Variants in TYW1 observed in about 807,000 individuals in gnomAD.
TYW1 encodes the protein tRNA-yW synthesizing protein 1 homolog.
A neutral mutation model predicts 96.2 loss-of-function variants in TYW1; 46 were observed. The ratio of observed to expected loss-of-function variants is 0.48; its 90% CI spans 0.38 to 0.61. TYW1 has a LOEUF of 0.61. Ranked by LOEUF, TYW1 falls within the 20% of genes least tolerant of loss-of-function variation. The probability of loss-of-function intolerance (pLI) is 0.00; values close to 1 mark genes in which losing one functional copy is unlikely to be tolerated. For synonymous variants in TYW1, 274 were observed against 323.0 expected (o/e 0.85, Z 1.63); for missense variants, 684 against 909.6 (o/e 0.75, Z 3.19).
In TYW1 at chr7:67,109,273, CAAA is replaced by C. The variant is rs1203625487; in HGVS notation, c.1563-8190_1563-8188del. 1.0e-4 allele frequency among the ~76,000 whole-genome samples: 5 copies of C among 49,090 alleles called. No individual in the cohort carries two copies. In the East Asian group the frequency reaches 2.4e-3, roughly 23 times the overall value. The allele number at this position is 49,090 out of a possible 152,430, so 32.2% of individuals were successfully genotyped here. ...TCAGCAAAAGAGCGAGACTCCGTCT[CAAA>C]AAAAAAAAAAAAAAAAAAAGAAAGA... On this transcript the variant is annotated intron_variant, in intron 12 of 15. Transcript: ENST00000359626.
At chr7:67,090,889 G>C (rs1289118762) in intron 11 of TYW1, among the ~76,000 whole-genome samples, 2 of 152,176 alleles carry the variant, frequency 1.3e-5, no homozygotes, top group African/African-American at 4.8e-5. Flanking sequence ...AGTTGGAATG[G>C]TGATCATTAA....
intron 3 of TYW1, among the ~76,000 whole-genome samples, chr7:67,008,350 C>G (rs950419438): frequency 6.6e-6 from 1 of 152,198 alleles, no homozygotes; most frequent in African/African-American, 2.4e-5. Flanking sequence ...GGTGATTAAA[C>G]TCAATCTCCA....
rs1800493636 is a variant in TYW1, at chr7:67,198,858, C to T, written c.1977+3521C>T. Among the ~76,000 whole-genome samples, 4 of 152,078 alleles carry T rather than the reference C, an allele frequency of 2.6e-5. No individual in the cohort carries two copies. The South Asian group carries it at 8.3e-4, about 32-fold the overall frequency. ...TCTTCCTTTGTCTTTTATGATGTTG[C>T]TATTTTAAAAGAATACAGTTCCCCC... On this transcript the variant is annotated intron_variant, in intron 15 of 15. Coordinates refer to ENST00000359626, the MANE Select transcript of TYW1 (RefSeq NM_018264.4).
At chr7:67,155,270 A>G (rs1051640529) in intron 13 of TYW1, among the ~76,000 whole-genome samples, 15 of 152,178 alleles carry the variant, frequency 9.9e-5, no homozygotes, top group African/African-American at 3.6e-4. Context: ...GAAGGTGTTT[A>G]GGTCATGGAG....
At chr7:67,088,355 G>GAA (rs36069960) in intron 11 of TYW1, among the ~76,000 whole-genome samples, 4,208 of 147,746 alleles carry the variant, frequency 0.028, 32 homozygotes, top group South Asian at 0.1. Flanking sequence ...TAATAGAAAA[G>GAA]AAAAAAAAAA....
chr7:67,213,552 C>A (rs1484889798), intron 15 of TYW1, among the ~76,000 whole-genome samples: 2 of 152,196 alleles, frequency 1.3e-5, no homozygotes, highest in Non-Finnish European at 2.9e-5. Flanking sequence ...GTCCAACTGA[C>A]TAATTTTTTG....
At chr7:67,103,962 A>G (rs567831365) in intron 12 of TYW1, among the ~76,000 whole-genome samples, 1 of 152,206 alleles carries the variant, frequency 6.6e-6, no homozygotes, top group South Asian at 2.1e-4. Context: ...CCTTACACAC[A>G]CACTAGGAAG....
chr7:67,191,398 T>C (rs1800211954), intron 14 of TYW1, among the ~76,000 whole-genome samples: 1 of 152,072 alleles, frequency 6.6e-6, no homozygotes, highest in Admixed American at 6.5e-5. Flanking sequence ...TCACAAACAT[T>C]CTTGGGGTCT....
At chr7:67,157,712 T>C (rs1799028628) in intron 13 of TYW1, among the ~76,000 whole-genome samples, 1 of 152,240 alleles carries the variant, frequency 6.6e-6, no homozygotes, top group South Asian at 2.1e-4. Flanking sequence ...TGGACTTACT[T>C]CCTTAGGCTT....
At chr7:67,148,445 T>TTTGG (rs1798677867) in intron 13 of TYW1, among the ~76,000 whole-genome samples, 1 of 147,904 alleles carries the variant, frequency 6.8e-6, no homozygotes, top group Non-Finnish European at 1.5e-5. Context: ...TTTTTTTTTT[T>TTTGG]GAGATGGAGT....
At chr7:67,083,864 G>A (rs1382164688) in intron 11 of TYW1, among the ~76,000 whole-genome samples, 8 of 152,004 alleles carry the variant, frequency 5.3e-5, no homozygotes, top group Non-Finnish European at 1.2e-4. Flanking sequence ...GTGAAACCCC[G>A]TCTCTACTAA....
In TYW1 at chr7:67,207,336, C is replaced by T. The variant is rs1320181726; in HGVS notation, c.1977+11999C>T. ...CCCTTCTGGAATCAGAAACTTTGTT[C>T]CATCTTCTTTGCTAGTTTTGGTACC... is the stretch of plus-strand genomic sequence containing the variant. On this transcript the variant is annotated intron_variant, in intron 15 of 15. Coordinates refer to ENST00000359626, the MANE Select transcript of TYW1 (RefSeq NM_018264.4). Among the ~76,000 whole-genome samples, 4 of 152,172 alleles carry T rather than the reference C, an allele frequency of 2.6e-5. No individual in the cohort carries two copies. In the East Asian group the frequency reaches 7.7e-4, roughly 29 times the overall value.
At chr7:67,010,607 G>C (rs948357131) in intron 4 of TYW1, among the ~76,000 whole-genome samples, 26 of 151,854 alleles carry the variant, frequency 1.7e-4, no homozygotes, top group Non-Finnish European at 2.9e-4. Flanking sequence ...TCCCGAGTAG[G>C]TGGGACTACA....
intron 3 of TYW1, among the ~76,000 whole-genome samples, chr7:67,001,453 C>T (rs1008603184): frequency 1.1e-4 from 16 of 151,190 alleles, no homozygotes; most frequent in African/African-American, 3.1e-4. Context: ...GATGGAGCCT[C>T]GCTGTGTCGC....
At chr7:67,166,331 TAA>T (rs1491402522) in intron 13 of TYW1, among the ~76,000 whole-genome samples, 5 of 140,236 alleles carry the variant, frequency 3.6e-5, no homozygotes, top group African/African-American at 1.3e-4. Context: ...ATAACATATA[TAA>T]TATATATAAT....
At chr7:67,003,034 G>T (rs532663221) in intron 3 of TYW1, among the ~76,000 whole-genome samples, 53 of 152,054 alleles carry the variant, frequency 3.5e-4, no homozygotes, top group African/African-American at 1.3e-3. Context: ...GCCACTGAAA[G>T]TGTTAGGATT....
At chr7:67,026,298 C>T (rs903419848) in intron 7 of TYW1, among the ~76,000 whole-genome samples, 6 of 152,234 alleles carry the variant, frequency 3.9e-5, no homozygotes, top group African/African-American at 1.4e-4. Flanking sequence ...GTCTCGAACT[C>T]CTGACCTCAG....
intron 5 of TYW1, among the ~76,000 whole-genome samples, chr7:67,017,265 G>T (rs975068640): frequency 6.6e-6 from 1 of 152,174 alleles, no homozygotes; most frequent in African/African-American, 2.4e-5. Flanking sequence ...TTACAGACAT[G>T]AGACACTTCG....
intron 15 of TYW1, among the ~76,000 whole-genome samples, chr7:67,213,805 G>A (rs889685922): frequency 7.7e-4 from 117 of 152,102 alleles, no homozygotes; most frequent in Non-Finnish European, 1.4e-3. Flanking sequence ...TTGCTCCTTT[G>A]TCAAAGATGA....
Sources: gnomAD v4.1 joint callset for allele counts (sites outside exome capture counted in the v4.1 genomes callset) on GRCh38, gnomAD v4.1.1 for gene constraint, MANE v1.5 for transcripts, NCBI Gene and HGNC (gene_info 2026-07-23, HGNC 2026-07-21) for gene names.